MAMLD1: variants seen among roughly 807,000 people sequenced by gnomAD.
MAMLD1 encodes mastermind-like domain-containing protein 1.
Under a neutral mutation model 45.0 loss-of-function variants are expected in MAMLD1, and 14 were observed. The observed-to-expected ratio is 0.31, with a 90% CI of 0.21 to 0.49. The LOEUF is 0.49. MAMLD1 is among the 20% of genes least tolerant of loss of function. The pLI is 0.99. For synonymous variants in MAMLD1, 254 were observed against 247.8 expected (o/e 1.02, Z -0.24); for missense variants, 543 against 603.6 (o/e 0.90, Z 1.05).
In MAMLD1 at chrX:150,471,476, G is replaced by A. The variant is rs781906840; in HGVS notation, c.1903G>A (p.Ala635Thr). ...QRSVASDSMPALPRQGCCHLF... is the reference protein window; with the variant it reads ...QRSVASDSMPTLPRQGCCHLF... ...ATCAGTGGCCTCAGATTCCATGCCT[G>A]CTCTGCCCAGACAGGTAAGACAATC... Residue 635 changes from alanine (A) to threonine (T), a missense_variant, in exon 4 of 8, where the codon GCT (alanine) becomes ACT (threonine). Coordinates refer to ENST00000370401, the MANE Select transcript of MAMLD1 (RefSeq NM_005491.5). 1.2e-5 allele frequency: 15 copies of A among 1,209,282 alleles called. No individual in the cohort carries two copies. The South Asian group carries it at 2.5e-4, about 20-fold the overall frequency.
chrX:150,482,146 A>C (rs1557407365), intron 5 of MAMLD1, among the ~76,000 whole-genome samples: 2 of 112,232 alleles, frequency 1.8e-5, no homozygotes, highest in African/African-American at 3.2e-5. Context: ...AAAAAAATGC[A>C]GCATGCCCAT....
chrX:150,390,067 G>GT (rs1557402134), intron 1 of MAMLD1, among the ~76,000 whole-genome samples: 1 of 111,486 alleles, frequency 9.0e-6, no homozygotes, highest in Non-Finnish European at 1.9e-5. Flanking sequence ...TTGTTTGTCT[G>GT]TTTTTGTTTT....
chrX:150,436,664 T>C (rs1169192576), intron 1 of MAMLD1, among the ~76,000 whole-genome samples: 1 of 112,124 alleles, frequency 8.9e-6, no homozygotes, highest in Non-Finnish European at 1.9e-5. Flanking sequence ...AGTTTTGACT[T>C]TTTCCTGAAT....
In MAMLD1 at chrX:150,469,902, T is replaced by C; in HGVS notation, c.329T>C (p.Val110Ala). ...HPSTACAELQ[V>A]PPLTINPSPA... ...AGTACTGCTTGTGCAGAACTGCAGGTCCCTCCATTGACAATAAATCCTAGC... is the reference window on the plus strand; with the variant it reads ...AGTACTGCTTGTGCAGAACTGCAGGCCCCTCCATTGACAATAAATCCTAGC... Residue 110 changes from valine to alanine, a missense_variant, in exon 4 of 8, where the codon GTC becomes GCC. Val to Ala is a moderately conservative substitution (Grantham distance 64). Coordinates refer to ENST00000370401, the MANE Select transcript of MAMLD1 (RefSeq NM_005491.5). The C allele has an allele frequency of 8.3e-7, 1 of 1,211,773 alleles. No homozygotes were observed. Among genetic ancestry groups the C allele is most frequent in the Non-Finnish European group, 1.1e-6 (1 of 895,586 alleles).
intron 5 of MAMLD1, among the ~76,000 whole-genome samples, chrX:150,479,337 G>A (rs782124869): frequency 2.7e-5 from 3 of 111,937 alleles, no homozygotes; most frequent in East Asian, 2.8e-4. Flanking sequence ...GCACAAGGCC[G>A]CCTACTTAAG....
chrX:150,475,248 C>A (rs1557406811), intron 5 of MAMLD1, among the ~76,000 whole-genome samples: 1 of 111,311 alleles, frequency 9.0e-6, no homozygotes. Context: ...CTGTTCATTT[C>A]TTTAGAGGCA....
At chrX:150,417,748 C>T (rs2034314542) in intron 1 of MAMLD1, among the ~76,000 whole-genome samples, 2 of 109,445 alleles carry the variant, frequency 1.8e-5, no homozygotes, top group South Asian at 4.1e-4. Context: ...ATTTGCATTT[C>T]TCTGATGGCC....
At chrX:150,408,761 G>A (rs782549645) in intron 1 of MAMLD1, among the ~76,000 whole-genome samples, 3 of 111,842 alleles carry the variant, frequency 2.7e-5, no homozygotes, top group Non-Finnish European at 5.6e-5. Flanking sequence ...GGGCCAACGC[G>A]GGGGAGTCAG....
chrX:150,370,030 AATGG>A, intron 1 of MAMLD1, among the ~76,000 whole-genome samples: 1 of 108,139 alleles, frequency 9.2e-6, no homozygotes, highest in East Asian at 2.9e-4. Context: ...ATACACATAT[AATGG>A]ATGTAACTAA....
chrX:150,508,281 T>C (rs1278280001), intron 6 of MAMLD1, among the ~76,000 whole-genome samples: 1 of 112,353 alleles, frequency 8.9e-6, no homozygotes. Context: ...CATGGGGTGT[T>C]GCTAGATGAC....
chrX:150,375,133 T>C (rs2032244269), intron 1 of MAMLD1, among the ~76,000 whole-genome samples: 1 of 111,068 alleles, frequency 9.0e-6, no homozygotes, highest in African/African-American at 3.3e-5. Context: ...GAAAGTCTTC[T>C]CATGGCAAGG....
In MAMLD1 at chrX:150,398,295, A is replaced by G. The variant is rs1033025301; in HGVS notation, c.-64+34765A>G. ...AAGAAGAAGAAGAAGAAGAAGAAGA[A>G]GAAGAAGAAGAAGAAGAAGAAGAAG... On this transcript the variant is annotated intron_variant, in intron 1 of 7. Transcript: ENST00000370401. 1.8e-4 allele frequency among the ~76,000 whole-genome samples: 16 copies of G among 90,917 alleles called. No individual in the cohort carries two copies. In the East Asian group the frequency reaches 2.1e-3, roughly 12 times the overall value. 79.0% of individuals were successfully genotyped at this position (90,917 alleles called of 115,157 possible). A position where few individuals can be genotyped will look rare whatever the true frequency, so the allele number is the denominator to read the frequency against.
intron 3 of MAMLD1, among the ~76,000 whole-genome samples, chrX:150,464,896 A>T (rs1557405813): frequency 8.9e-6 from 1 of 112,236 alleles, no homozygotes; most frequent in African/African-American, 3.2e-5. Context: ...AAGGGAAGAG[A>T]CTAGGAGAAC....
At position 150,470,677 on chromosome X, in the gene MAMLD1, C is replaced by A. The variant is rs955123977; in HGVS notation, c.1104C>A (p.Ser368=). 1.7e-6 allele frequency: 2 copies of A among 1,212,036 alleles called. No individual in the cohort carries two copies. The highest frequency in any genetic ancestry group is 3.5e-5 in the African/African-American group (2 of 57,874). The change falls in exon 4 of 8, where the codon TCC becomes TCA. Residue 368 remains serine (S), a synonymous_variant. Coordinates refer to ENST00000370401, the MANE Select transcript of MAMLD1 (RefSeq NM_005491.5). ...TCAGCCCCCAGAGCCTCATGGTGTC[C>A]TGCATGTCGTCCAATACCTTGTCGG... is the stretch of plus-strand genomic sequence containing the variant. ...PPFSPQSLMV[S]CMSSNTLSGS... is the part of the protein sequence containing the mutation.
Position 150,512,422 on chromosome X carries a change from C to T in MAMLD1, c.*463C>T, listed in dbSNP as rs1160050738. 2 of 1,153,371 alleles carry T rather than the reference C, an allele frequency of 1.7e-6. No individual in the cohort carries two copies. Among genetic ancestry groups the T allele is most frequent in the Non-Finnish European group, 2.3e-6 (2 of 871,598 alleles). ...CTGCGTTCAACAATGCTGCATGGGTCACAGCGGCAGCAGCTGTGACCACAG... is the reference window on the plus strand; with the variant it reads ...CTGCGTTCAACAATGCTGCATGGGTTACAGCGGCAGCAGCTGTGACCACAG... On this transcript the variant is annotated 3_prime_UTR_variant, in exon 8 of 8. Coordinates refer to ENST00000370401, the MANE Select transcript of MAMLD1 (RefSeq NM_005491.5).
chrX:150,450,335 C>G (rs1481832876), intron 2 of MAMLD1, among the ~76,000 whole-genome samples: 3 of 112,157 alleles, frequency 2.7e-5, no homozygotes, highest in Admixed American at 1.9e-4. Flanking sequence ...AGAGAAAACC[C>G]AGATTTACAG....
chrX:150,406,920 G>A lies in MAMLD1; in HGVS notation c.-63-38534G>A, dbSNP rs1483674051. Among the ~76,000 whole-genome samples the A allele has an allele frequency of 1.1e-4, 12 of 111,330 alleles. No individual in the cohort carries two copies. In the Admixed American group the frequency reaches 1.1e-3, roughly 11 times the overall value. ...TCTCTCAGTGGGGAAAAATGGTGGAGTGCCCATCGACTATTACAGGCGACG... is the reference window on the plus strand; with the variant it reads ...TCTCTCAGTGGGGAAAAATGGTGGAATGCCCATCGACTATTACAGGCGACG... On this transcript the variant is annotated intron_variant, in intron 1 of 7. Coordinates refer to ENST00000370401, the MANE Select transcript of MAMLD1 (RefSeq NM_005491.5).
At chrX:150,367,189 C>G (rs1361146580) in intron 1 of MAMLD1, among the ~76,000 whole-genome samples, 2 of 104,962 alleles carry the variant, frequency 1.9e-5, no homozygotes, top group African/African-American at 7.1e-5. Flanking sequence ...CTGACGCTGA[C>G]AGTGACACAG....
At chrX:150,472,717 T>C (rs1389579246) in intron 4 of MAMLD1, among the ~76,000 whole-genome samples, 2 of 112,123 alleles carry the variant, frequency 1.8e-5, no homozygotes, top group Non-Finnish European at 3.8e-5. Context: ...ACAGTCTCTA[T>C]GACCTGGTCT....
Sources: allele counts gnomAD v4.1 joint callset (sites outside exome capture counted in the v4.1 genomes callset), GRCh38; gene constraint gnomAD v4.1.1; transcripts MANE v1.5; gene names NCBI Gene and HGNC (gene_info 2026-07-23, HGNC 2026-07-21).